GDA: variants seen among roughly 807,000 people sequenced by gnomAD.
GDA encodes the protein cytoplasmic PSD-95 interactor.
In GDA, 18 loss-of-function variants were observed where a neutral mutation model predicts 59.6. The ratio of observed to expected loss-of-function variants is 0.30; its 90% CI spans 0.21 to 0.45. The LOEUF (loss-of-function observed/expected upper bound fraction) is 0.45, where lower values mean the gene tolerates loss of function less well. Ranked by LOEUF, GDA falls within the 20% of genes least tolerant of loss-of-function variation. The probability of loss-of-function intolerance (pLI) is 1.00; values close to 1 mark genes in which losing one functional copy is unlikely to be tolerated. For missense variants in GDA, 427 were observed against 552.3 expected (o/e 0.77, Z 2.27); for synonymous variants, 201 against 201.1 (o/e 1.00, Z 0.00).
At chr9:72,149,159 GAAGT>G (rs1196625110), upstream of GDA, among the ~76,000 whole-genome samples, 1 of 152,220 alleles carries the variant, frequency 6.6e-6, no homozygotes, top group Non-Finnish European at 1.5e-5. Flanking sequence ...ACAGGTTGAA[GAAGT>G]AAGTGATCCT....
intron 3 of GDA, among the ~76,000 whole-genome samples, chr9:72,207,934 G>T (rs960387409): frequency 6.6e-6 from 1 of 151,764 alleles, no homozygotes; most frequent in African/African-American, 2.4e-5. Context: ...ACATAGCAAG[G>T]GCTTGTCTTA....
chr9:72,118,610 T>C (rs968251287), intron 1 of GDA, among the ~76,000 whole-genome samples: 3 of 152,142 alleles, frequency 2.0e-5, no homozygotes, highest in Non-Finnish European at 4.4e-5. Context: ...CCAGCATTTT[T>C]CCCCAAAATA....
In GDA at chr9:72,131,488, A is replaced by G. The variant is rs191524390; in HGVS notation, c.-100+16655A>G. Among the ~76,000 whole-genome samples, 79 of 152,226 alleles carry G rather than the reference A, an allele frequency of 5.2e-4. 1 individual carries two copies. The highest frequency in any genetic ancestry group is 4.0e-4 in the Non-Finnish European group (27 of 68,022). On this transcript the variant is annotated intron_variant, in intron 1 of 13. Coordinates refer to the GDA transcript ENST00000545168. ...TTATGAGCATCCACCCCCACGATCC[A>G]GTCACCTCCCACCAGGCCCCATCTC... is the stretch of plus-strand genomic sequence containing the variant.
At chr9:72,225,154 G>A (rs1163771846) in intron 7 of GDA, among the ~76,000 whole-genome samples, 3 of 152,116 alleles carry the variant, frequency 2.0e-5, no homozygotes, top group Non-Finnish European at 2.9e-5. Context: ...GGTGACACAT[G>A]CCTGTAATCC....
intron 5 of GDA, among the ~76,000 whole-genome samples, chr9:72,218,526 GCAGAAAACTA>G (rs1836445360): frequency 6.6e-6 from 1 of 152,120 alleles, no homozygotes; most frequent in Admixed American, 6.5e-5. Context: ...ATGCCAGAAG[GCAGAAAACTA>G]CAGCTGCCTA....
At chr9:72,119,566 T>C (rs1184044105) in intron 1 of GDA, among the ~76,000 whole-genome samples, 3 of 152,218 alleles carry the variant, frequency 2.0e-5, no homozygotes, top group Admixed American at 6.5e-5. Flanking sequence ...GAAAAAATGC[T>C]GAAAGAATAT....
At chr9:72,227,424 A>G (rs1490840456) in intron 8 of GDA, among the ~76,000 whole-genome samples, 2 of 152,182 alleles carry the variant, frequency 1.3e-5, no homozygotes, top group Non-Finnish European at 2.9e-5. Context: ...GGCCATTGGC[A>G]CTTACATTGA....
intron 1 of GDA, among the ~76,000 whole-genome samples, chr9:72,152,732 T>C (rs1157867516): frequency 6.6e-6 from 1 of 152,128 alleles, no homozygotes; most frequent in Non-Finnish European, 1.5e-5. Flanking sequence ...TTCTCCCATT[T>C]TGTAGGTTGC....
At chr9:72,151,873 G>T (rs1209516436) in intron 1 of GDA, among the ~76,000 whole-genome samples, 3 of 152,110 alleles carry the variant, frequency 2.0e-5, no homozygotes, top group Non-Finnish European at 4.4e-5. Context: ...AAAGTGCTGG[G>T]ATTACAGGCG....
At chr9:72,228,950 G>A (rs1269134685) in intron 9 of GDA, 1 of 152,020 alleles carries the variant, frequency 6.6e-6, no homozygotes, top group Non-Finnish European at 1.5e-5. Context: ...TATTACAAGT[G>A]TTGCATCTAA....
At chr9:72,126,836 G>C (rs1825865628) in intron 1 of GDA, among the ~76,000 whole-genome samples, 1 of 151,928 alleles carries the variant, frequency 6.6e-6, no homozygotes, top group South Asian at 2.1e-4. Flanking sequence ...GAAAGTGTTG[G>C]GATTACATGC....
At chr9:72,206,834 G>T (rs532405026) in intron 3 of GDA, among the ~76,000 whole-genome samples, 1 of 151,988 alleles carries the variant, frequency 6.6e-6, no homozygotes, top group South Asian at 2.1e-4. Flanking sequence ...TTGCTACTTG[G>T]ATCCCTGTCT....
At chr9:72,257,229 A>C (rs1840896674), downstream of GDA, 1 of 152,228 alleles carries the variant, frequency 6.6e-6, no homozygotes, top group African/African-American at 2.4e-5. Flanking sequence ...TAGCCCCTGC[A>C]TGGGTGACTC....
At chr9:72,219,287 C>T (rs1306834700) in intron 5 of GDA, among the ~76,000 whole-genome samples, 192 bp from the exon 6 acceptor site, 2 of 151,920 alleles carry the variant, frequency 1.3e-5, no homozygotes, top group African/African-American at 4.8e-5. Context: ...CCTGTAGTCC[C>T]AGCTACTCGG....
At chr9:72,234,202 C>G (rs571589195) in intron 10 of GDA, among the ~76,000 whole-genome samples, 1 of 152,184 alleles carries the variant, frequency 6.6e-6, no homozygotes, top group East Asian at 1.9e-4. Context: ...CACAGACCAA[C>G]AGAACTAACT....
chr9:72,135,101 A>G (rs1437163137), intron 1 of GDA, among the ~76,000 whole-genome samples: 11 of 152,156 alleles, frequency 7.2e-5, no homozygotes, highest in Non-Finnish European at 1.3e-4. Context: ...CTCTACATCA[A>G]TATCCACAGT....
rs1385151345 is a variant in GDA at position 72,243,555 on chromosome 9, G to A, written c.1136-1593G>A. Among the ~76,000 whole-genome samples, 4 of 152,300 alleles carry A rather than the reference G, an allele frequency of 2.6e-5. No homozygotes were observed. The East Asian group carries it at 5.8e-4, about 22-fold the overall frequency. ...AGGAGAGAATTTCCAGTGATTTTCTGTTACATTCAGTCCTTTCCCATACAA... is the reference window on the plus strand; with the variant it reads ...AGGAGAGAATTTCCAGTGATTTTCTATTACATTCAGTCCTTTCCCATACAA... On this transcript the variant is annotated intron_variant, in intron 11 of 13. Coordinates refer to ENST00000358399, the MANE Select transcript of GDA (RefSeq NM_004293.5).
chr9:72,178,346 T>C, intron 1 of GDA, among the ~76,000 whole-genome samples: 1 of 152,138 alleles, frequency 6.6e-6, no homozygotes, highest in East Asian at 1.9e-4. Context: ...GAAATTTATG[T>C]ACATCAGATT....
intron 1 of GDA, among the ~76,000 whole-genome samples, chr9:72,178,279 T>A (rs1830760957): frequency 6.6e-6 from 1 of 152,234 alleles, no homozygotes; most frequent in South Asian, 2.1e-4. Flanking sequence ...CCATGGTAAT[T>A]GATATTTGAA....
Sources: allele counts gnomAD v4.1 joint callset (sites outside exome capture counted in the v4.1 genomes callset), GRCh38; gene constraint gnomAD v4.1.1; transcripts MANE v1.5; gene names NCBI Gene and HGNC (gene_info 2026-07-23, HGNC 2026-07-21).